Variants in MX2 observed in about 807,000 individuals in gnomAD.
MX2 encodes the protein MX dynamin like GTPase 2, also known as interferon-induced GTP-binding protein Mx2.
MX2 carries 51 observed loss-of-function variants against 74.0 expected under a neutral mutation model. The ratio of observed to expected loss-of-function variants is 0.69; its 90% CI spans 0.55 to 0.87. MX2 has a LOEUF of 0.87. Ranked by LOEUF, MX2 falls within the 40% of genes least tolerant of loss-of-function variation. MX2 has a pLI of 0.00. For synonymous variants in MX2, 369 were observed against 339.3 expected, an observed-to-expected ratio of 1.09 and a Z score of -0.96; for missense variants, 832 against 908.7, an observed-to-expected ratio of 0.92 and a Z score of 1.09.
At chr21:41,364,476 C>T (rs182189242) in intron 1 of MX2, 17 of 154,506 alleles carry the variant, frequency 1.1e-4, no homozygotes, top group Non-Finnish European at 1.6e-4. Context: ...GCTCCTCAAG[C>T]GTGGACAGGG....
chr21:41,377,819 G>T lies in MX2; in HGVS notation c.280G>T (p.Glu94Ter). 1.2e-6 allele frequency: 2 copies of T among 1,613,776 alleles called. No homozygotes were observed. The highest frequency in any genetic ancestry group is 1.7e-6 in the Non-Finnish European group (2 of 1,179,690). ...GPENNLYSQYEQKVRPCIDLI... is the reference protein window; with the variant it reads ...GPENNLYSQY ...CGAGAACAACCTGTACAGCCAGTAC[G>T]AGCAGAAGGTGCGCCCCTGCATTGA... Residue 94 changes from glutamate to a stop codon, truncating the protein, a stop_gained, in exon 3 of 14, where the codon GAG becomes TAG. Coordinates refer to ENST00000330714, the MANE Select transcript of MX2 (RefSeq NM_002463.2). LOFTEE classifies it high-confidence loss of function.
chr21:41,380,081 A>C lies in MX2; in HGVS notation c.507A>C (p.Gly169=). 3 of 1,614,000 alleles carry C rather than the reference A, an allele frequency of 1.9e-6. No individual in the cohort carries two copies. Among genetic ancestry groups the C allele is most frequent in the Non-Finnish European group, 2.5e-6 (3 of 1,179,896 alleles). Residue 169 remains glycine (G), a synonymous_variant, in exon 4 of 14, where the codon GGA becomes GGC. Transcript: ENST00000330714. The surrounding 1 kb of genome is among the most constrained non-coding windows in gnomAD (Gnocchi z 4.3). The part of the protein sequence containing the change: ...LKKQPCEAWA[G]RISYRNTELE... ...AGCAGCCCTGTGAGGCATGGGCCGG[A>C]AGGATCAGCTACCGGAACACCGAGC... is the stretch of plus-strand genomic sequence containing the variant.
chr21:41,374,412 G>T (rs2089370885), intron 1 of MX2, among the ~76,000 whole-genome samples: 1 of 152,262 alleles, frequency 6.6e-6, no homozygotes, highest in Non-Finnish European at 1.5e-5. Context: ...CCTCCACAGA[G>T]GCTTGTGCAT....
intron 1 of MX2, chr21:41,370,344 C>A (rs2089307672): frequency 6.6e-6 from 1 of 152,234 alleles, no homozygotes; most frequent in East Asian, 1.9e-4. Context: ...GCTAGGAGCC[C>A]CCAAAGTACG....
At chr21:41,406,719 GTGTT>G (rs760486632) in intron 12 of MX2, 21 bp from the exon 13 acceptor site, 1 of 1,601,064 alleles carries the variant, frequency 6.2e-7, no homozygotes, top group South Asian at 1.1e-5. Context: ...AAGAAGTAAT[GTGTT>G]TGTCTTTTTT....
chr21:41,390,979 T>C (rs539044193), intron 6 of MX2, among the ~76,000 whole-genome samples: 5 of 151,114 alleles, frequency 3.3e-5, no homozygotes, highest in East Asian at 2.0e-4. Context: ...GCACTCCAGC[T>C]TGGGCGACAG....
chr21:41,389,392 A>G (rs1311328520), intron 5 of MX2, among the ~76,000 whole-genome samples: 1 of 152,086 alleles, frequency 6.6e-6, no homozygotes, highest in Non-Finnish European at 1.5e-5. Context: ...ATGGTGGTGC[A>G]TGCCTGTGGT....
intron 7 of MX2, 78 bp from the exon 8 acceptor site, chr21:41,397,535 C>T: frequency 2.2e-6 from 3 of 1,344,092 alleles, no homozygotes; most frequent in South Asian, 1.2e-5. Context: ...CTGGGCTCAC[C>T]TACCACGCAC....
At chr21:41,406,364 T>G (rs960787477) in intron 12 of MX2, among the ~76,000 whole-genome samples, 1 of 152,162 alleles carries the variant, frequency 6.6e-6, no homozygotes, top group African/African-American at 2.4e-5. Context: ...CACACTATTA[T>G]CCCAGTGTTC....
At position 41,388,458 on chromosome 21, in the gene MX2, C is replaced by A. The variant is rs1423683454; in HGVS notation, c.733-2107C>A. 6.6e-6 allele frequency among the ~76,000 whole-genome samples: 1 copy of A among 152,210 alleles called. No homozygotes were observed. The highest frequency in any genetic ancestry group is 1.5e-5 in the Non-Finnish European group (1 of 68,034). On this transcript the variant is annotated intron_variant, in intron 5 of 13. Transcript: ENST00000330714. This position sits in a 1 kb window ranked among gnomAD's most constrained non-coding sequence, Gnocchi z 4.0. ...ATCCTTCATTCCTCGCGGGTTTCTG[C>A]TGCAAGGCTGCCCTACCTGGGCTGC... is the stretch of plus-strand genomic sequence containing the variant.
chr21:41,372,041 C>A (rs980398368), intron 1 of MX2, among the ~76,000 whole-genome samples: 2 of 152,168 alleles, frequency 1.3e-5, no homozygotes, highest in Admixed American at 1.3e-4. Context: ...AAGAAGGACC[C>A]TCCAGGACAG....
chr21:41,394,730 C>T (rs534337634), intron 6 of MX2, among the ~76,000 whole-genome samples: 4 of 152,096 alleles, frequency 2.6e-5, no homozygotes, highest in Admixed American at 1.3e-4. Context: ...ATCATGAGGT[C>T]GGGAGTTTGA....
intron 8 of MX2, among the ~76,000 whole-genome samples, 157 bp from the exon 9 acceptor site, chr21:41,398,740 T>C (rs531727133): frequency 6.6e-6 from 1 of 152,162 alleles, no homozygotes; most frequent in Admixed American, 6.5e-5. Context: ...CAAGGTGGCC[T>C]ACACATGTAA....
chr21:41,405,466 C>G (rs1255165173), intron 12 of MX2, among the ~76,000 whole-genome samples: 2 of 151,970 alleles, frequency 1.3e-5, no homozygotes, highest in Non-Finnish European at 2.9e-5. Flanking sequence ...CGGATGGCCA[C>G]CACCTTCTTG....
intron 12 of MX2, chr21:41,403,905 G>A (rs538031801): frequency 2.6e-4 from 63 of 238,900 alleles, no homozygotes; most frequent in African/African-American, 1.3e-3. Flanking sequence ...TCATTTTTCC[G>A]TCATATAAAT....
At chr21:41,393,127 A>AAAAAAAAAAAG (rs1568944000) in intron 6 of MX2, among the ~76,000 whole-genome samples, 5 of 141,966 alleles carry the variant, frequency 3.5e-5, no homozygotes, top group African/African-American at 1.5e-4. Context: ...AAAAAAAAAA[A>AAAAAAAAAAAG]AAAAGAAAGA....
intron 13 of MX2, among the ~76,000 whole-genome samples, chr21:41,407,341 G>A (rs1027753379): frequency 2.6e-5 from 4 of 152,046 alleles, no homozygotes; most frequent in African/African-American, 7.2e-5. Context: ...AAACGTCAAC[G>A]ATTGTGACTA....
chr21:41,380,024 A>C lies in MX2; in HGVS notation c.450A>C (p.Val150=). 1 of 1,613,978 alleles carries C rather than the reference A, an allele frequency of 6.2e-7. No individual in the cohort carries two copies. The highest frequency in any genetic ancestry group is 1.1e-5 in the South Asian group (1 of 91,072). The part of the protein sequence containing the change: ...GVALPRGSGI[V]TRCPLVLKLK... ...GGGGAACCTCTCGCTCAGGAATCGTAACCAGGTGTCCGCTGGTGCTGAAAC... is the reference window on the plus strand; with the variant it reads ...GGGGAACCTCTCGCTCAGGAATCGTCACCAGGTGTCCGCTGGTGCTGAAAC... The change falls in exon 4 of 14, where the codon GTA becomes GTC. Residue 150 remains valine, a synonymous_variant. Coordinates refer to ENST00000330714, the MANE Select transcript of MX2 (RefSeq NM_002463.2). The surrounding 1 kb of genome is among the most constrained non-coding windows in gnomAD (Gnocchi z 4.3).
intron 12 of MX2, among the ~76,000 whole-genome samples, chr21:41,406,457 T>G (rs7280954): frequency 0.043 from 6,573 of 152,182 alleles, 367 homozygotes; most frequent in African/African-American, 0.13. Context: ...AGCCTGTTCC[T>G]GTTGAAGGAG....
Sources: allele counts gnomAD v4.1 joint callset (sites outside exome capture counted in the v4.1 genomes callset), GRCh38; gene constraint gnomAD v4.1.1; non-coding constraint Gnocchi (gnomAD v3.1); transcripts MANE v1.5; gene names NCBI Gene and HGNC (gene_info 2026-07-23, HGNC 2026-07-21).